The following MID1 variants were observed in gnomAD, a reference collection of about 807,000 sequenced individuals.
MID1 encodes midline 1, also known as E3 ubiquitin-protein ligase Midline-1.
A neutral mutation model predicts 40.4 loss-of-function variants in MID1; 7 were observed. The ratio of observed to expected loss-of-function variants is 0.17; its 90% CI spans 0.10 to 0.33. The LOEUF (loss-of-function observed/expected upper bound fraction) is 0.33, where lower values mean the gene tolerates loss of function less well. Ranked by LOEUF, MID1 falls within the 10% of genes least tolerant of loss-of-function variation. The pLI is 1.00. For missense variants in MID1, 367 were observed against 558.5 expected (o/e 0.66, Z 3.46); for synonymous variants, 229 against 221.2 (o/e 1.04, Z -0.31).
intron 5 of MID1, chrX:10,475,030 A>G (rs1267552167): frequency 2.6e-6 from 1 of 386,047 alleles, no homozygotes; most frequent in South Asian, 2.6e-5. Flanking sequence ...AAGAATATTC[A>G]TATTTCATGT....
intron 3 of MID1, among the ~76,000 whole-genome samples, chrX:10,520,461 A>G (rs761301210): frequency 2.4e-4 from 27 of 112,294 alleles, no homozygotes; most frequent in Non-Finnish European, 4.7e-4. Flanking sequence ...CTGTTCTCTA[A>G]CATATTGTAA....
At chrX:10,616,134 T>A (rs188049963) in intron 1 of MID1, among the ~76,000 whole-genome samples, 1 of 111,895 alleles carries the variant, frequency 8.9e-6, no homozygotes, top group Non-Finnish European at 1.9e-5. Flanking sequence ...CCCCTGCAGG[T>A]AGATAACTGA....
chrX:10,725,616 T>G (rs1410181889), intron 1 of MID1, among the ~76,000 whole-genome samples: 1 of 111,788 alleles, frequency 8.9e-6, no homozygotes, highest in Non-Finnish European at 1.9e-5. Context: ...CCCAGCACTT[T>G]AGGAGGCCAA....
At chrX:10,809,254 T>C (rs961669070) in intron 1 of MID1, among the ~76,000 whole-genome samples, 2 of 111,419 alleles carry the variant, frequency 1.8e-5, no homozygotes, top group African/African-American at 3.3e-5. Context: ...GTTAGAATGG[T>C]GATCATTCAA....
intron 1 of MID1, among the ~76,000 whole-genome samples, chrX:10,706,095 T>A (rs774133261): frequency 2.7e-5 from 3 of 110,882 alleles, no homozygotes; most frequent in Admixed American, 9.6e-5. Context: ...ACCCACTAGA[T>A]GTTAAGAGCA....
chrX:10,556,152 G>A (rs1434565919), intron 2 of MID1, among the ~76,000 whole-genome samples: 1 of 110,740 alleles, frequency 9.0e-6, no homozygotes, highest in South Asian at 3.8e-4. Flanking sequence ...TAGGCTTACT[G>A]TGTATCATGT....
At chrX:10,692,591 C>T (rs910971630) in intron 1 of MID1, among the ~76,000 whole-genome samples, 5 of 109,851 alleles carry the variant, frequency 4.6e-5, no homozygotes, top group East Asian at 2.9e-4. Flanking sequence ...AACTCCAGCC[C>T]GGGCAACAAG....
intron 1 of MID1, among the ~76,000 whole-genome samples, chrX:10,613,732 T>TATATAGAGAG (rs1482081086): frequency 2.3e-4 from 4 of 17,476 alleles, no homozygotes; most frequent in East Asian, 2.9e-3. Flanking sequence ...TATATATATA[T>TATATAGAGAG]AGAGAGAGAG....
At chrX:10,781,447 T>C (rs1041166258) in intron 1 of MID1, among the ~76,000 whole-genome samples, 1 of 111,989 alleles carries the variant, frequency 8.9e-6, no homozygotes, top group Admixed American at 9.5e-5. Flanking sequence ...AAATGTGTTA[T>C]GGATATTGAA....
intron 1 of MID1, among the ~76,000 whole-genome samples, chrX:10,636,885 G>A (rs1324751291): frequency 2.3e-5 from 2 of 87,001 alleles, no homozygotes; most frequent in East Asian, 6.6e-4. Flanking sequence ...TTCTTAAAAC[G>A]CTGTGTGTGT....
chrX:10,791,579 G>C lies in MID1; in HGVS notation c.-187+41975C>G, dbSNP rs139946379. Reference sequence around the variant, plus strand: ...TTGGCACTGGCAGAAAAGCAGAAGAGACAATAACAAAAATTGACTGGTGTT... The same window carrying C: ...TTGGCACTGGCAGAAAAGCAGAAGACACAATAACAAAAATTGACTGGTGTT... On this transcript the variant is annotated intron_variant, in intron 1 of 10. Transcript: ENST00000380785. Among the ~76,000 whole-genome samples, 452 of 111,819 alleles carry C rather than the reference G, an allele frequency of 4.0e-3. 5 individuals are homozygous for C. The highest frequency in any genetic ancestry group is 0.014 in the African/African-American group (432 of 30,736).
intron 1 of MID1, among the ~76,000 whole-genome samples, chrX:10,749,148 G>T (rs1180755367): frequency 9.0e-6 from 1 of 110,915 alleles, no homozygotes; most frequent in Non-Finnish European, 1.9e-5. Context: ...CATCAAGGAG[G>T]TTCTTCCCTG....
rs1007192431 is a variant in MID1, at chrX:10,503,203, G to A, written c.757-7512C>T. Among the ~76,000 whole-genome samples, 10 of 111,735 alleles carry A rather than the reference G, an allele frequency of 8.9e-5. No homozygotes were observed. In the Admixed American group the frequency reaches 9.5e-4, roughly 11 times the overall value. ...AGCTGTGATGAACATTCCAGACTCTGGGGCAAAAGTTAGACAGAGCTGCCA... is the reference window on the plus strand; with the variant it reads ...AGCTGTGATGAACATTCCAGACTCTAGGGCAAAAGTTAGACAGAGCTGCCA... On this transcript the variant is annotated intron_variant, in intron 3 of 9. Coordinates refer to ENST00000317552, the MANE Select transcript of MID1 (RefSeq NM_000381.4).
Position 10,447,161 on chromosome X carries a change from C to T in MID1, c.*2207G>A, listed in dbSNP as rs1928078225. 1 of 111,760 alleles carries T rather than the reference C, an allele frequency of 8.9e-6. No homozygotes were observed. The highest frequency in any genetic ancestry group is 1.9e-5 in the Non-Finnish European group (1 of 53,196). The allele number at this position is 111,760 out of a possible 1,213,427, so 9.2% of individuals were successfully genotyped here. On this transcript the variant is annotated 3_prime_UTR_variant, in exon 10 of 10. Coordinates refer to ENST00000317552, the MANE Select transcript of MID1 (RefSeq NM_000381.4). ...TTTAAGTTAGCCAAGAGTGAGACTT[C>T]CACAACAAAATTATGACATAATCTC...
At chrX:10,760,504 G>A (rs1432764350) in intron 1 of MID1, among the ~76,000 whole-genome samples, 1 of 111,561 alleles carries the variant, frequency 9.0e-6, no homozygotes, top group African/African-American at 3.3e-5. Flanking sequence ...AACTTGCGAG[G>A]GGAAGTATTA....
intron 2 of MID1, among the ~76,000 whole-genome samples, chrX:10,558,244 A>G (rs955558986): frequency 9.0e-6 from 1 of 111,337 alleles, no homozygotes; most frequent in Non-Finnish European, 1.9e-5. Context: ...TAAAATTCCA[A>G]AGCTGTCTTG....
chrX:10,727,746 G>A (rs2043404772), intron 1 of MID1, among the ~76,000 whole-genome samples: 1 of 111,538 alleles, frequency 9.0e-6, no homozygotes, highest in Admixed American at 9.5e-5. Flanking sequence ...AGCCTTCCAT[G>A]GGATGCTCTT....
At chrX:10,704,716 GTA>G (rs771605675) in intron 1 of MID1, among the ~76,000 whole-genome samples, 948 of 78,032 alleles carry the variant, frequency 0.012, 2 homozygotes, top group Non-Finnish European at 0.015. Context: ...GTGTGTGTGT[GTA>G]TATATATATA....
intron 1 of MID1, among the ~76,000 whole-genome samples, chrX:10,693,471 C>T (rs373086178): frequency 3.9e-4 from 43 of 110,365 alleles, no homozygotes; most frequent in Non-Finnish European, 7.4e-4. Context: ...GGATTATAAG[C>T]GTGAGCCACT....
Sources: allele counts gnomAD v4.1 joint callset (sites outside exome capture counted in the v4.1 genomes callset), GRCh38; gene constraint gnomAD v4.1.1; transcripts MANE v1.5; gene names NCBI Gene and HGNC (gene_info 2026-07-23, HGNC 2026-07-21).